The following BRD4 variants were observed in gnomAD, a reference collection of about 807,000 sequenced individuals.
BRD4 encodes bromodomain-containing protein 4.
A neutral mutation model predicts 142.1 loss-of-function variants in BRD4; 16 were observed. That is an observed-to-expected ratio of 0.11 (90% CI 0.08 to 0.17). BRD4 has a LOEUF of 0.17. BRD4 is among the 10% of genes least tolerant of loss of function. The probability of loss-of-function intolerance (pLI) is 1.00; values close to 1 mark genes in which losing one functional copy is unlikely to be tolerated. For synonymous variants in BRD4, 833 were observed against 707.5 expected (o/e 1.18, Z -2.82); for missense variants, 1,424 against 1,810.9 (o/e 0.79, Z 3.88).
At position 15,269,110 on chromosome 19, in the gene BRD4, A is replaced by G. The variant is rs535177475; in HGVS notation, c.286-68T>C. Reference sequence around the variant, plus strand: ...AGGCAGCACAAACGCTGGGCTGGCCAGGCTGGCCTGGGGACCTCACCCCTG... The same window carrying G: ...AGGCAGCACAAACGCTGGGCTGGCCGGGCTGGCCTGGGGACCTCACCCCTG... On this transcript the variant is annotated intron_variant, in intron 2 of 19. Coordinates refer to ENST00000679869, the MANE Select transcript of BRD4 (RefSeq NM_001379291.1). 6.6e-5 allele frequency: 104 copies of G among 1,585,498 alleles called. 1 individual carries two copies. The Middle Eastern group carries it at 8.4e-4, about 13-fold the overall frequency.
chr19:15,251,733 A>C (rs1051801948), intron 11 of BRD4, among the ~76,000 whole-genome samples: 1 of 152,190 alleles, frequency 6.6e-6, no homozygotes, highest in African/African-American at 2.4e-5. Flanking sequence ...CTGCCGTACG[A>C]AACCCTCGCA....
chr19:15,330,171 G>C (rs1454951267), intron 1 of BRD4, among the ~76,000 whole-genome samples: 1 of 152,162 alleles, frequency 6.6e-6, no homozygotes, highest in Non-Finnish European at 1.5e-5. Flanking sequence ...AGGTGGACTC[G>C]ACTCCTTCCA....
chr19:15,246,398 G>A (rs2047286544), intron 11 of BRD4: 1 of 152,386 alleles, frequency 6.6e-6, no homozygotes, highest in Non-Finnish European at 1.5e-5. Flanking sequence ...AGGTGATGGA[G>A]CCGCGCTGTC....
intron 1 of BRD4, among the ~76,000 whole-genome samples, chr19:15,321,807 ACTT>A (rs2144994229): frequency 6.6e-6 from 1 of 152,294 alleles, no homozygotes; most frequent in Non-Finnish European, 1.5e-5. Flanking sequence ...CACTCTACAT[ACTT>A]CTTGTTTCAC....
intron 1 of BRD4, among the ~76,000 whole-genome samples, chr19:15,294,123 AT>A (rs1480719536): frequency 6.6e-6 from 1 of 152,264 alleles, no homozygotes; most frequent in African/African-American, 2.4e-5. Flanking sequence ...ATGGAGCACC[AT>A]GCTAGGACAT....
chr19:15,267,571 G>A lies in BRD4; in HGVS notation c.424-20C>T, dbSNP rs200387676. The A allele has an allele frequency of 1.9e-6, 3 of 1,610,206 alleles. No homozygotes were observed. Among genetic ancestry groups the A allele is most frequent in the Non-Finnish European group, 2.5e-6 (3 of 1,179,358 alleles). Reference sequence around the variant, plus strand: ...TCCAGGCTGGATAAGGAGACACAGGGGTAGAGTCAGAGGGCCCTCCCCTCC... The same window carrying A: ...TCCAGGCTGGATAAGGAGACACAGGAGTAGAGTCAGAGGGCCCTCCCCTCC... On this transcript the variant is annotated intron_variant, in intron 3 of 19. Coordinates refer to ENST00000679869, the MANE Select transcript of BRD4 (RefSeq NM_001379291.1).
chr19:15,300,098 A>G (rs996657473), intron 1 of BRD4, among the ~76,000 whole-genome samples: 10 of 152,100 alleles, frequency 6.6e-5, no homozygotes, highest in African/African-American at 2.4e-4. Flanking sequence ...TTTTAAAATT[A>G]GCTGAGTGTG....
intron 1 of BRD4, among the ~76,000 whole-genome samples, chr19:15,309,984 A>T (rs1341308544): frequency 1.3e-5 from 2 of 152,128 alleles, no homozygotes; most frequent in Non-Finnish European, 2.9e-5. Flanking sequence ...AAGAGTTGGT[A>T]AGCACCCTCG....
chr19:15,323,892 C>T (rs1436589228), intron 1 of BRD4, among the ~76,000 whole-genome samples: 1 of 152,182 alleles, frequency 6.6e-6, no homozygotes, highest in African/African-American at 2.4e-5. Context: ...TCTCAACAGT[C>T]CCAGGCATCT....
intron 6 of BRD4, 25 bp downstream of exon 6, chr19:15,264,379 C>A: frequency 6.4e-7 from 1 of 1,569,924 alleles, no homozygotes; most frequent in Non-Finnish European, 8.7e-7. Context: ...CACCTTGTCC[C>A]TTCCCTCAGG....
intron 11 of BRD4, chr19:15,247,601 C>T (rs1176785052): frequency 1.3e-5 from 3 of 232,862 alleles, no homozygotes; most frequent in Admixed American, 5.6e-5. Context: ...CATGCAGGCC[C>T]GACACTGGTA....
chr19:15,239,787 G>C lies in BRD4; in HGVS notation c.3317C>G (p.Pro1106Arg). ...CTTCTCCTCCTTCACCACCACGAGG[G>C]GCTGGGGCTGGACCACGGAGGCAGC... ...LRAASVVQPQ[P>R]LVVVKEEKIH... Residue 1106 changes from proline to arginine, a missense_variant, in exon 16 of 20, where the codon CCC becomes CGC. Around this residue, in one of 16 missense-constraint regions of BRD4, gnomAD observed 598 missense variants for 647.8 expected, o/e 0.92. Transcript: ENST00000679869. The surrounding 1 kb of genome is among the most constrained non-coding windows in gnomAD (Gnocchi z 7.4). 2 of 1,613,070 alleles carry C rather than the reference G, an allele frequency of 1.2e-6. No individual in the cohort carries two copies. Among genetic ancestry groups the C allele is most frequent in the Admixed American group, 1.7e-5 (1 of 60,014 alleles).
chr19:15,320,469 G>T (rs75543389), intron 1 of BRD4, among the ~76,000 whole-genome samples: 1 of 152,128 alleles, frequency 6.6e-6, no homozygotes, highest in African/African-American at 2.4e-5. Flanking sequence ...ATACCATACA[G>T]ATTACATAAG....
chr19:15,278,414 T>C (rs1303614785), intron 1 of BRD4, among the ~76,000 whole-genome samples: 3 of 151,546 alleles, frequency 2.0e-5, no homozygotes, highest in Non-Finnish European at 4.4e-5. Context: ...CGCATGCTTG[T>C]AATCCAGCTA....
At position 15,263,437 on chromosome 19, in the gene BRD4, T is replaced by C; in HGVS notation, c.1324A>G (p.Met442Val). The change falls in exon 7 of 20, where the codon ATG becomes GTG. Residue 442 changes from methionine (M) to valine (V), a missense_variant. By Grantham distance (21) the Met-to-Val change is conservative. Around this residue, in one of 16 missense-constraint regions of BRD4, gnomAD observed 22 missense variants for 49.5 expected, o/e 0.44. Transcript: ENST00000679869. The stretch of plus-strand genomic sequence containing the variant: ...AGCCTCACCTGGAGCTTGCGGGCCA[T>C]GGCCACCACCTCATGGTCAGGAGGG... ...YNPPDHEVVAMARKLQDVFEM... is the reference protein window; with the variant it reads ...YNPPDHEVVAVARKLQDVFEM... 1 of 1,614,196 alleles carries C rather than the reference T, an allele frequency of 6.2e-7. No individual in the cohort carries two copies. The highest frequency in any genetic ancestry group is 8.5e-7 in the Non-Finnish European group (1 of 1,180,006).
intron 1 of BRD4, among the ~76,000 whole-genome samples, chr19:15,287,527 G>C (rs745815631): frequency 3.3e-5 from 5 of 152,162 alleles, no homozygotes; most frequent in Admixed American, 3.3e-4. Flanking sequence ...CTACAGATGA[G>C]CCACCACAAC....
chr19:15,265,257 T>C (rs2047519372), intron 5 of BRD4, 97 bp downstream of exon 5: 1 of 1,217,432 alleles, frequency 8.2e-7, no homozygotes, highest in African/African-American at 1.5e-5. Context: ...CACCCACCAG[T>C]GCCCGGGACC....
At position 15,237,017 on chromosome 19, in the gene BRD4, T is replaced by TAAA. The variant is rs762817978; in HGVS notation, c.*1357_*1359dup. 139 of 119,430 alleles carry TAAA rather than the reference T, an allele frequency of 1.2e-3. 1 individual carries two copies. The highest frequency in any genetic ancestry group is 1.3e-3 in the Non-Finnish European group (79 of 61,080). 7.4% of individuals were successfully genotyped at this position (119,430 alleles called of 1,614,324 possible). A position where few individuals can be genotyped will look rare whatever the true frequency, so the allele number is the denominator to read the frequency against. On this transcript the variant is annotated 3_prime_UTR_variant, in exon 20 of 20. Transcript: ENST00000679869. ...CACCAGGGGCTCCAATTATAAAAAT[T>TAAA]AAAAAAAAAAAAAAAAAAAAGCATG...
chr19:15,320,493 A>G (rs2048052292), intron 1 of BRD4, among the ~76,000 whole-genome samples: 1 of 152,242 alleles, frequency 6.6e-6, no homozygotes, highest in Non-Finnish European at 1.5e-5. Flanking sequence ...TATAAATAAC[A>G]ACTTGTTATT....
Sources: allele counts gnomAD v4.1 joint callset (sites outside exome capture counted in the v4.1 genomes callset), GRCh38; gene constraint gnomAD v4.1.1; regional missense constraint gnomAD v4.1.1; non-coding constraint Gnocchi (gnomAD v3.1); transcripts MANE v1.5; gene names NCBI Gene and HGNC (gene_info 2026-07-23, HGNC 2026-07-21).